BAALC: variants seen among roughly 807,000 people sequenced by gnomAD.
The protein encoded by BAALC is BAALC binder of MAP3K1 and KLF4.
A neutral mutation model predicts 15.5 loss-of-function variants in BAALC; 9 were observed. That is an observed-to-expected ratio of 0.58 (90% CI 0.35 to 1.02). The LOEUF is 1.02. Among genes scored for constraint, BAALC ranks in the 50% least tolerant of loss-of-function variants. The pLI is 0.02. For missense variants in BAALC, 201 were observed against 192.4 expected (o/e 1.04, Z -0.27); for synonymous variants, 80 against 74.6 (o/e 1.07, Z -0.37).
intron 2 of BAALC, among the ~76,000 whole-genome samples, chr8:103,223,631 T>TTA (rs35398385): frequency 0.23 from 34,293 of 151,592 alleles, 4,028 homozygotes; most frequent in Middle Eastern, 0.34. Flanking sequence ...GGGATTACAA[T>TTA]TATATATATA....
At chr8:103,155,910 G>T (rs1563636289) in intron 1 of BAALC, among the ~76,000 whole-genome samples, 1 of 152,158 alleles carries the variant, frequency 6.6e-6, no homozygotes, top group Non-Finnish European at 1.5e-5. Context: ...CTGGTCCAGA[G>T]GTCCTAGATC....
In BAALC at chr8:103,195,356, G is replaced by A. The variant is rs146260606; in HGVS notation, c.161-17563G>A. Among the ~76,000 whole-genome samples, 6 of 152,248 alleles carry A rather than the reference G, an allele frequency of 3.9e-5. No individual in the cohort carries two copies. In the East Asian group the frequency reaches 1.2e-3, roughly 29 times the overall value. On this transcript the variant is annotated intron_variant, in intron 1 of 2. Transcript: ENST00000309982. ...GGTTGGAGAACTGCTTTTGCTACAG[G>A]GCTTTGATGTCCATGAGGAGAAGGT...
chr8:103,174,260 CAA>C (rs34745381), intron 1 of BAALC, among the ~76,000 whole-genome samples: 18 of 126,756 alleles, frequency 1.4e-4, no homozygotes, highest in Admixed American at 2.4e-4. Context: ...GGCAAAGCAC[CAA>C]AAAAAAAAAA....
In BAALC at chr8:103,228,064, A is replaced by G. The variant is rs780437323; in HGVS notation, c.403A>G (p.Arg135Gly). Residue 135 changes from arginine to glycine, a missense_variant, in exon 3 of 3, where the codon AGA becomes GGA. Physicochemically the swap from Arg to Gly is moderately radical, Grantham distance 125 (BLOSUM62 -2). Transcript: ENST00000309982. Reference protein sequence around the residue: ...NVTDSIQQMDRSRRITKNCVN With the variant: ...NVTDSIQQMDGSRRITKNCVN ...AACAGATAGCATCCAACAGATGGACAGAAGTCGAAGAATCACAAAGAACTG... is the reference window on the plus strand; with the variant it reads ...AACAGATAGCATCCAACAGATGGACGGAAGTCGAAGAATCACAAAGAACTG... The G allele has an allele frequency of 1.2e-6, 2 of 1,613,486 alleles. No homozygotes were observed. Among genetic ancestry groups the G allele is most frequent in the South Asian group, 2.2e-5 (2 of 91,020 alleles).
intron 1 of BAALC, among the ~76,000 whole-genome samples, chr8:103,173,438 C>T (rs965340430): frequency 6.6e-6 from 1 of 152,174 alleles, no homozygotes. Flanking sequence ...GCCTTTAAAA[C>T]AATACATATG....
intron 2 of BAALC, among the ~76,000 whole-genome samples, chr8:103,218,411 C>T (rs981234452): frequency 6.6e-6 from 1 of 152,068 alleles, no homozygotes; most frequent in African/African-American, 2.4e-5. Context: ...CATCCTACTC[C>T]CTACCTGAGC....
At chr8:103,220,421 C>A (rs765593339) in intron 2 of BAALC, among the ~76,000 whole-genome samples, 7 of 152,174 alleles carry the variant, frequency 4.6e-5, no homozygotes, top group Non-Finnish European at 8.8e-5. Flanking sequence ...AGTTTCTGTT[C>A]CCAGGGATTT....
chr8:103,188,641 A>C (rs776204634), intron 1 of BAALC, among the ~76,000 whole-genome samples: 3 of 152,194 alleles, frequency 2.0e-5, no homozygotes, highest in Non-Finnish European at 4.4e-5. Flanking sequence ...TTCTAAAGGA[A>C]TTCTGCGAGA....
At chr8:103,196,212 T>C (rs988386035) in intron 1 of BAALC, among the ~76,000 whole-genome samples, 3 of 152,198 alleles carry the variant, frequency 2.0e-5, no homozygotes, top group African/African-American at 7.2e-5. Flanking sequence ...GGTATGTCTA[T>C]CCCTTAGGTC....
At chr8:103,216,330 T>C (rs781439367) in intron 2 of BAALC, among the ~76,000 whole-genome samples, 41 of 152,184 alleles carry the variant, frequency 2.7e-4, no homozygotes, top group Admixed American at 4.6e-4. Context: ...TTCATAGACA[T>C]TGACAAATAG....
At chr8:103,195,769 C>T (rs1210483685) in intron 1 of BAALC, among the ~76,000 whole-genome samples, 1 of 152,322 alleles carries the variant, frequency 6.6e-6, no homozygotes, top group East Asian at 1.9e-4. Context: ...ATGGCAGCTT[C>T]TTCCTGCAGT....
chr8:103,181,514 T>C lies in BAALC; in HGVS notation c.161-31405T>C, dbSNP rs188055060. The stretch of plus-strand genomic sequence containing the variant: ...GTCTCGATCTCCTGACCTCGTGATC[T>C]GCCCGCCTTGGCCTCCCAAAGTGCT... On this transcript the variant is annotated intron_variant, in intron 1 of 2. Transcript: ENST00000309982. Among the ~76,000 whole-genome samples the C allele has an allele frequency of 9.7e-4, 147 of 152,246 alleles. 1 individual carries two copies. Among genetic ancestry groups the C allele is most frequent in the Non-Finnish European group, 1.5e-3 (103 of 68,016 alleles).
intron 2 of BAALC, among the ~76,000 whole-genome samples, chr8:103,219,849 C>A (rs1812639191): frequency 6.6e-6 from 1 of 152,240 alleles, no homozygotes; most frequent in Non-Finnish European, 1.5e-5. Context: ...AGTCAAACAT[C>A]TGGAGTTGCA....
chr8:103,168,527 T>C (rs1294311783), intron 1 of BAALC, among the ~76,000 whole-genome samples: 1 of 151,832 alleles, frequency 6.6e-6, no homozygotes, highest in African/African-American at 2.4e-5. Flanking sequence ...TTTTTTTTAA[T>C]GTGAATGCAT....
At chr8:103,174,994 G>C (rs996610729) in intron 1 of BAALC, among the ~76,000 whole-genome samples, 8 of 152,098 alleles carry the variant, frequency 5.3e-5, no homozygotes, top group African/African-American at 1.2e-4. Context: ...CATTTTCATT[G>C]CATGGAATTA....
Position 103,141,005 on chromosome 8 carries a change from G to C in BAALC, c.108G>C (p.Pro36=). ...TWLTYTDSDA[P]PSAAAPDSGP... ...TCACCTACACCGACTCGGACGCGCC[G>C]CCCAGCGCCGCCGCCCCGGACAGCG... Residue 36 remains proline (P), a synonymous_variant, in exon 1 of 3, where the codon CCG becomes CCC. Transcript: ENST00000309982. 6.6e-7 allele frequency: 1 copy of C among 1,523,966 alleles called. No individual in the cohort carries two copies. The highest frequency in any genetic ancestry group is 8.8e-7 in the Non-Finnish European group (1 of 1,136,250). The allele number at this position is 1,523,966 out of a possible 1,614,324, so 94.4% of individuals were successfully genotyped here. A position where few individuals can be genotyped will look rare whatever the true frequency, so the allele number is the denominator to read the frequency against.
At chr8:103,189,214 C>T (rs1036663818) in intron 1 of BAALC, among the ~76,000 whole-genome samples, 3 of 152,238 alleles carry the variant, frequency 2.0e-5, no homozygotes, top group South Asian at 2.1e-4. Flanking sequence ...GAGATGTTCA[C>T]GTTTGTTAAG....
intron 1 of BAALC, chr8:103,154,489 C>G (rs1811046796): frequency 6.5e-6 from 1 of 152,784 alleles, no homozygotes; most frequent in Non-Finnish European, 1.5e-5. Flanking sequence ...CTCCCAAGTA[C>G]AGCTGGGATC....
At chr8:103,199,310 T>C (rs1234602716) in intron 1 of BAALC, among the ~76,000 whole-genome samples, 1 of 152,260 alleles carries the variant, frequency 6.6e-6, no homozygotes, top group Admixed American at 6.5e-5. Context: ...TTTCAACATG[T>C]AATATTATCA....
Sources: gnomAD v4.1 joint callset for allele counts (sites outside exome capture counted in the v4.1 genomes callset) on GRCh38, gnomAD v4.1.1 for gene constraint, MANE v1.5 for transcripts, NCBI Gene and HGNC (gene_info 2026-07-23, HGNC 2026-07-21) for gene names.